ATPAF1: variants seen among roughly 807,000 people sequenced by gnomAD.
ATPAF1 encodes ATP synthase mitochondrial F1 complex assembly factor 1.
ATPAF1 carries 26 observed loss-of-function variants against 43.9 expected under a neutral mutation model. The ratio of observed to expected loss-of-function variants is 0.59; its 90% CI spans 0.43 to 0.82. The LOEUF (loss-of-function observed/expected upper bound fraction) is 0.82, where lower values mean the gene tolerates loss of function less well. ATPAF1 is among the 40% of genes least tolerant of loss of function. The probability of loss-of-function intolerance (pLI) is 0.00; values close to 1 mark genes in which losing one functional copy is unlikely to be tolerated. For synonymous variants in ATPAF1, 157 were observed against 168.0 expected (o/e 0.93, Z 0.50); for missense variants, 366 against 435.0 (o/e 0.84, Z 1.41).
chr1:46,668,448 T>C (rs1676535285), upstream of ATPAF1: 1 of 1,110,786 alleles, frequency 9.0e-7, no homozygotes, highest in South Asian at 4.4e-5. The surrounding 1 kb of genome is among the most constrained non-coding windows in gnomAD (Gnocchi z 4.4). Flanking sequence ...GCGCCCAAGG[T>C]TCCGGGCGCG....
upstream of ATPAF1, chr1:46,668,534 T>G (rs1676538033): frequency 1.9e-6 from 1 of 522,722 alleles, no homozygotes; most frequent in South Asian, 9.0e-5. The surrounding 1 kb of genome is among the most constrained non-coding windows in gnomAD (Gnocchi z 4.4). Context: ...CGCCGCCCTG[T>G]GTATGCCACG....
intron 6 of ATPAF1, among the ~76,000 whole-genome samples, chr1:46,648,894 G>A (rs1234985966): frequency 2.0e-5 from 3 of 152,148 alleles, no homozygotes; most frequent in South Asian, 4.2e-4. Flanking sequence ...CTCAAGAATC[G>A]CTTGAACCTG....
chr1:46,665,241 G>T lies in ATPAF1; in HGVS notation c.375+15C>A, dbSNP rs748677270. ...GTGCTGGTAAGCAAACACCACAAAT[G>T]GGGGAAGGTCTTACCTTCTGTTCCA... On this transcript the variant is annotated intron_variant, in intron 2 of 8. Coordinates refer to ENST00000574428, the Ensembl canonical transcript of ATPAF1. 1.7e-5 allele frequency: 28 copies of T among 1,610,672 alleles called. No homozygotes were observed. The highest frequency in any genetic ancestry group is 2.1e-5 in the Non-Finnish European group (25 of 1,176,902).
At chr1:46,647,038 T>G (rs1175389360) in intron 6 of ATPAF1, among the ~76,000 whole-genome samples, 2 of 152,234 alleles carry the variant, frequency 1.3e-5, no homozygotes, top group Non-Finnish European at 2.9e-5. Context: ...TTTTAAATGC[T>G]AGTCCACCGT....
intron 8 of ATPAF1, among the ~76,000 whole-genome samples, chr1:46,636,727 C>A (rs1675848410): frequency 1.3e-5 from 2 of 149,886 alleles, no homozygotes; most frequent in Non-Finnish European, 3.0e-5. Flanking sequence ...TGTAGTGAGC[C>A]CCTTAAAAAA....
At chr1:46,640,427 T>C (rs138886402) in intron 8 of ATPAF1, among the ~76,000 whole-genome samples, 2,395 of 152,028 alleles carry the variant, frequency 0.016, 60 homozygotes, top group African/African-American at 0.054. Flanking sequence ...CTGGCCAACA[T>C]GGTGAAACCT....
At chr1:46,663,485 T>A (rs1271860683) in intron 2 of ATPAF1, among the ~76,000 whole-genome samples, 8 of 152,380 alleles carry the variant, frequency 5.3e-5, no homozygotes, top group Admixed American at 1.3e-4. Context: ...CTAACTGGTG[T>A]GAGATGGTAT....
At chr1:46,660,958 T>C (rs1388249545) in intron 2 of ATPAF1, among the ~76,000 whole-genome samples, 1 of 152,148 alleles carries the variant, frequency 6.6e-6, no homozygotes, top group Non-Finnish European at 1.5e-5. Flanking sequence ...AGAACCTTTT[T>C]TTTTTAAACA....
chr1:46,646,777 C>T (rs1676052222), intron 6 of ATPAF1, among the ~76,000 whole-genome samples: 1 of 152,080 alleles, frequency 6.6e-6, no homozygotes, highest in African/African-American at 2.4e-5. Flanking sequence ...TACTGTGAAA[C>T]CATAACCAAA....
intron 2 of ATPAF1, chr1:46,664,023 G>A: frequency 1.6e-6 from 1 of 612,148 alleles, no homozygotes; most frequent in Non-Finnish European, 2.4e-6. Context: ...TAATAAGAAT[G>A]GACTGCATGT....
At chr1:46,654,779 G>C (rs1205993799) in intron 4 of ATPAF1, among the ~76,000 whole-genome samples, 3 of 151,954 alleles carry the variant, frequency 2.0e-5, no homozygotes, top group African/African-American at 7.3e-5. Context: ...TTATGAGTGA[G>C]AACATGCGGT....
chr1:46,647,268 T>G (rs1295430654), intron 6 of ATPAF1, among the ~76,000 whole-genome samples: 1 of 152,174 alleles, frequency 6.6e-6, no homozygotes, highest in Non-Finnish European at 1.5e-5. Context: ...GGTGTGGAGA[T>G]CTACCTGTAT....
chr1:46,642,612 C>G (rs1345684486), intron 8 of ATPAF1, among the ~76,000 whole-genome samples: 1 of 152,150 alleles, frequency 6.6e-6, no homozygotes, highest in Non-Finnish European at 1.5e-5. Context: ...TATAAATGAA[C>G]AGTATGAAGG....
At chr1:46,635,655 A>G in exon 9 of ATPAF1, 2 of 947,888 alleles carry the variant, frequency 2.1e-6, no homozygotes, top group South Asian at 3.4e-5. Context: ...CGACAAGCAC[A>G]TAGGGCAACT....
chr1:46,652,184 A>C (rs1676182097), intron 6 of ATPAF1, among the ~76,000 whole-genome samples: 1 of 149,024 alleles, frequency 6.7e-6, no homozygotes, highest in Non-Finnish European at 1.5e-5. Flanking sequence ...ATTATGTGTC[A>C]ATTAAAAATA....
At chr1:46,636,626 T>C (rs370286226) in intron 8 of ATPAF1, among the ~76,000 whole-genome samples, 4 of 151,844 alleles carry the variant, frequency 2.6e-5, no homozygotes, top group African/African-American at 4.8e-5. Flanking sequence ...AAGTAGACTA[T>C]GACAAAATGG....
chr1:46,667,470 G>C (rs1270468767), intron 1 of ATPAF1, among the ~76,000 whole-genome samples: 16 of 152,170 alleles, frequency 1.1e-4, no homozygotes, highest in Admixed American at 1.0e-3. Flanking sequence ...TGGTGTTAGG[G>C]ACCCTGGACT....
exon 9 of ATPAF1, chr1:46,635,962 A>G (rs1432123795): frequency 6.2e-7 from 1 of 1,614,210 alleles, no homozygotes; most frequent in South Asian, 1.1e-5. Context: ...ACTGTGCCTC[A>G]GCAACATTCT....
At chr1:46,659,139 C>T (rs186377012) in intron 2 of ATPAF1, among the ~76,000 whole-genome samples, 22 of 151,892 alleles carry the variant, frequency 1.4e-4, no homozygotes, top group African/African-American at 5.1e-4. Context: ...TGCAGTGAGC[C>T]GAGATCACGC....
Sources: allele counts gnomAD v4.1 joint callset (sites outside exome capture counted in the v4.1 genomes callset), GRCh38; gene constraint gnomAD v4.1.1; non-coding constraint Gnocchi (gnomAD v3.1); transcripts MANE v1.5; gene names NCBI Gene and HGNC (gene_info 2026-07-23, HGNC 2026-07-21).